Variants in CACNB3 observed in about 807,000 individuals in gnomAD.
CACNB3 encodes the protein calcium voltage-gated channel auxiliary subunit beta 3.
Under a neutral mutation model 63.7 loss-of-function variants are expected in CACNB3, and 36 were observed. The observed-to-expected ratio is 0.57, with a 90% CI of 0.43 to 0.75. The LOEUF (loss-of-function observed/expected upper bound fraction) is 0.75, where lower values mean the gene tolerates loss of function less well. CACNB3 is among the 30% of genes least tolerant of loss of function. CACNB3 has a pLI of 0.00. For synonymous variants in CACNB3, 241 were observed against 250.6 expected (o/e 0.96, Z 0.36); for missense variants, 493 against 648.6 (o/e 0.76, Z 2.61).
rs1592190584 is a variant in CACNB3, at chr12:48,825,110, A to G, written c.493-53A>G. The G allele has an allele frequency of 1.9e-6, 3 of 1,601,482 alleles. No homozygotes were observed. The highest frequency in any genetic ancestry group is 2.2e-5 in the East Asian group (1 of 44,728). ...GGATCTGCCCTGACGCCAACCAGGC[A>G]TGAGACAGGCACCAGGGCCATGGTT... On this transcript the variant is annotated intron_variant, in intron 6 of 12. Transcript: ENST00000301050. This position sits in a 1 kb window ranked among gnomAD's most constrained non-coding sequence, Gnocchi z 4.5.
upstream of CACNB3, chr12:48,815,746 GTGGGGTC>G: frequency 5.5e-6 from 7 of 1,283,074 alleles, no homozygotes; most frequent in Non-Finnish European, 6.5e-6. Flanking sequence ...TGGGGGGGGT[GTGGGGTC>G]GTGGGAAGGG....
At position 48,826,654 on chromosome 12, in the gene CACNB3, C is replaced by T; in HGVS notation, c.895-105C>T. The T allele has an allele frequency of 7.1e-7, 1 of 1,413,160 alleles. No homozygotes were observed. Among genetic ancestry groups the T allele is most frequent in the Non-Finnish European group, 1.0e-6 (1 of 1,002,280 alleles). 87.5% of individuals were successfully genotyped at this position (1,413,160 alleles called of 1,614,324 possible). A position where few individuals can be genotyped will look rare whatever the true frequency, so the allele number is the denominator to read the frequency against. ...TTAACACAACTCTGAGTCATCCTCA[C>T]CTGCTACTGATGCCACAAGTGGAAG... On this transcript the variant is annotated intron_variant, in intron 10 of 12. Transcript: ENST00000301050. The surrounding 1 kb of genome is among the most constrained non-coding windows in gnomAD (Gnocchi z 4.8).
At chr12:48,822,366 C>T (rs1456322010) in intron 1 of CACNB3, among the ~76,000 whole-genome samples, 2 of 152,184 alleles carry the variant, frequency 1.3e-5, no homozygotes, top group Admixed American at 6.5e-5. Flanking sequence ...GGTCTTGAGG[C>T]TGAACTCTGT....
At chr12:48,815,623 C>G, upstream of CACNB3, 2 of 1,403,604 alleles carry the variant, frequency 1.4e-6, no homozygotes, top group East Asian at 6.6e-5. Context: ...GAGCAGCGGC[C>G]GGGTTTTGCT....
At chr12:48,818,485 C>A, upstream of CACNB3, 1 of 998,574 alleles carries the variant, frequency 1.0e-6, no homozygotes. The surrounding 1 kb of genome is among the most constrained non-coding windows in gnomAD (Gnocchi z 4.3). Flanking sequence ...GCCCTGCCCG[C>A]AGCCTCTCCT....
chr12:48,814,930 A>C, upstream of CACNB3: 1 of 204,730 alleles, frequency 4.9e-6, no homozygotes, highest in Non-Finnish European at 9.8e-6. This position sits in a 1 kb window ranked among gnomAD's most constrained non-coding sequence, Gnocchi z 6.9. Flanking sequence ...CGGAGCTGAG[A>C]CCCGCTGCAC....
intron 1 of CACNB3, chr12:48,819,496 A>G: frequency 3.2e-6 from 1 of 310,946 alleles, no homozygotes; most frequent in South Asian, 2.5e-5. Flanking sequence ...GAGGAGCTCC[A>G]TTATTCCCTT....
rs143634935 is a variant in CACNB3, at chr12:48,824,284, G to C, written c.318G>C (p.Gly106=). The C allele has an allele frequency of 5.0e-6, 8 of 1,613,262 alleles. No individual in the cohort carries two copies. The highest frequency in any genetic ancestry group is 6.8e-6 in the Non-Finnish European group (8 of 1,179,772). ...AGTACAGCAATGACTGGTGGATCGG[G>C]CGGCTAGTGAAAGAGGGCGGGGACA... The part of the protein sequence containing the change: ...KEKYSNDWWI[G]RLVKEGGDIA... Residue 106 remains glycine (G), a synonymous_variant, in exon 4 of 13, where the codon GGG becomes GGC. Coordinates refer to ENST00000301050, the MANE Select transcript of CACNB3 (RefSeq NM_000725.4).
rs938556324 is a variant in CACNB3 at position 48,826,584 on chromosome 12, CT to C, written c.894+68del. 1 of 1,591,152 alleles carries C rather than the reference CT, an allele frequency of 6.3e-7. No individual in the cohort carries two copies. Among genetic ancestry groups the C allele is most frequent in the African/African-American group, 1.3e-5 (1 of 74,394 alleles). On this transcript the variant is annotated intron_variant, in intron 10 of 12. Transcript: ENST00000301050. The surrounding 1 kb of genome is among the most constrained non-coding windows in gnomAD (Gnocchi z 4.8). Reference sequence around the variant, plus strand: ...CCTACTAGAATGTGGCATGATTCTACTTGGTCCCTGCCTGGGGCACCTGAGT... The same window carrying C: ...CCTACTAGAATGTGGCATGATTCTACTGGTCCCTGCCTGGGGCACCTGAGT...
chr12:48,818,056 G>GC (rs1436535271), upstream of CACNB3: 2 of 152,422 alleles, frequency 1.3e-5, no homozygotes, highest in African/African-American at 2.4e-5. The surrounding 1 kb of genome is among the most constrained non-coding windows in gnomAD (Gnocchi z 4.3). Context: ...TACTGAGGGG[G>GC]CCGGGCACCT....
upstream of CACNB3, chr12:48,815,569 C>T (rs112778459): frequency 7.3e-4 from 1,086 of 1,487,444 alleles, 6 homozygotes; most frequent in African/African-American, 0.014. Flanking sequence ...CGGAGCCCGG[C>T]GGGCGTGGGG....
Position 48,825,010 on chromosome 12 carries a change from A to G in CACNB3, c.492+42A>G. ...ACCTGGGCTGGGGGGATCATGGCTT[A>G]TGGCTCTGGGGACAGTGTTCTAGGC... On this transcript the variant is annotated intron_variant, in intron 6 of 12. Transcript: ENST00000301050. The surrounding 1 kb of genome is among the most constrained non-coding windows in gnomAD (Gnocchi z 4.5). 6.3e-7 allele frequency: 1 copy of G among 1,586,192 alleles called. No individual in the cohort carries two copies. Among genetic ancestry groups the G allele is most frequent in the South Asian group, 1.1e-5 (1 of 90,590 alleles).
In CACNB3 at chr12:48,826,434, C is replaced by T. The variant is rs200554890; in HGVS notation, c.810C>T (p.Asp270=). 16 of 1,613,984 alleles carry T rather than the reference C, an allele frequency of 9.9e-6. No individual in the cohort carries two copies. The highest frequency in any genetic ancestry group is 2.2e-5 in the East Asian group (1 of 44,898). The change falls in exon 10 of 13, where the codon GAC becomes GAT. Residue 270 remains aspartate, a synonymous_variant. Transcript: ENST00000301050. The surrounding 1 kb of genome is among the most constrained non-coding windows in gnomAD (Gnocchi z 4.8). ...AATCCCTGCAGCTAGTAGTGTTGGACGCTGACACCATCAACCACCCAGCAC... is the reference window on the plus strand; with the variant it reads ...AATCCCTGCAGCTAGTAGTGTTGGATGCTGACACCATCAACCACCCAGCAC... ...LAKSLQLVVL[D]ADTINHPAQL...
chr12:48,824,677 G>T lies in CACNB3; in HGVS notation c.416G>T (p.Gly139Val), dbSNP rs1938032984. The T allele has an allele frequency of 1.9e-6, 3 of 1,613,344 alleles. No homozygotes were observed. The highest frequency in any genetic ancestry group is 2.7e-5 in the African/African-American group (2 of 74,738). The change falls in exon 5 of 13, where the codon GGG becomes GTG. Residue 139 changes from glycine (G) to valine (V), a missense_variant. Gly to Val is a moderately radical substitution (Grantham distance 109). Transcript: ENST00000301050. The part of the protein sequence containing the change: ...LKQEQKARRS[G>V]NPSSLSDIGN... ...CCTCCCTTTCTTCTCAGGAGATCTGGGAACCCTTCCAGCCTGAGTGACATT... is the reference window on the plus strand; with the variant it reads ...CCTCCCTTTCTTCTCAGGAGATCTGTGAACCCTTCCAGCCTGAGTGACATT...
chr12:48,818,973 C>T lies in CACNB3; in HGVS notation c.44C>T (p.Ala15Val), dbSNP rs1333568355. The change falls in exon 1 of 13, where the codon GCG (alanine) becomes GTG (valine). Residue 15 changes from alanine (A) to valine (V), a missense_variant and splice_region_variant. Physicochemically the swap from Ala to Val is moderately conservative, Grantham distance 64 (BLOSUM62 0). Coordinates refer to ENST00000301050, the MANE Select transcript of CACNB3 (RefSeq NM_000725.4). This position sits in a 1 kb window ranked among gnomAD's most constrained non-coding sequence, Gnocchi z 4.3. Reference sequence around the variant, plus strand: ...GTGCCCGGGTTTGAGGACTCGGAGGCGGTGAGTGCCCACGATGAGGGTGGG... The same window carrying T: ...GTGCCCGGGTTTGAGGACTCGGAGGTGGTGAGTGCCCACGATGAGGGTGGG... ...SYVPGFEDSE[A>V]GSADSYTSRP... 2.5e-6 allele frequency: 4 copies of T among 1,604,866 alleles called. No homozygotes were observed. The highest frequency in any genetic ancestry group is 2.6e-6 in the Non-Finnish European group (3 of 1,175,994).
intron 1 of CACNB3, among the ~76,000 whole-genome samples, chr12:48,822,599 C>G (rs1179325328): frequency 6.6e-6 from 1 of 152,152 alleles, no homozygotes; most frequent in African/African-American, 2.4e-5. Context: ...TCACCTGCAC[C>G]CAGGGAGACA....
Position 48,823,437 on chromosome 12 carries a change from C to G in CACNB3, c.139C>G (p.Gln47Glu). ...RESARREVES[Q>E]AQQQLERAKH... ...GAGTGCCCGGCGTGAAGTAGAGAGC[C>G]AGGCTCAGCAGCAGCTCGAAAGGGC... is the stretch of plus-strand genomic sequence containing the variant. The change falls in exon 2 of 13, where the codon CAG becomes GAG. Residue 47 changes from glutamine to glutamate, a missense_variant. By Grantham distance (29) the Gln-to-Glu change is conservative. Transcript: ENST00000301050. This position sits in a 1 kb window ranked among gnomAD's most constrained non-coding sequence, Gnocchi z 4.2. 1 of 1,614,126 alleles carries G rather than the reference C, an allele frequency of 6.2e-7. No individual in the cohort carries two copies. The highest frequency in any genetic ancestry group is 8.5e-7 in the Non-Finnish European group (1 of 1,180,004).
chr12:48,825,306 G>C lies in CACNB3; in HGVS notation c.573+63G>C. On this transcript the variant is annotated intron_variant, in intron 7 of 12. Transcript: ENST00000301050. The surrounding 1 kb of genome is among the most constrained non-coding windows in gnomAD (Gnocchi z 4.5). ...CCAAGCCTGCCACAGGAAGTCCCTA[G>C]GGAAAGTGGAAGGGGTGTGTCTCCT... 1 of 1,584,354 alleles carries C rather than the reference G, an allele frequency of 6.3e-7. No individual in the cohort carries two copies. Among genetic ancestry groups the C allele is most frequent in the Non-Finnish European group, 8.7e-7 (1 of 1,154,196 alleles).
chr12:48,825,532 G>T lies in CACNB3; in HGVS notation c.632+40G>T, dbSNP rs757250904. 3 of 1,609,034 alleles carry T rather than the reference G, an allele frequency of 1.9e-6. No individual in the cohort carries two copies. The highest frequency in any genetic ancestry group is 3.3e-5 in the Admixed American group (2 of 60,010). On this transcript the variant is annotated intron_variant, in intron 8 of 12. Coordinates refer to ENST00000301050, the MANE Select transcript of CACNB3 (RefSeq NM_000725.4). This position sits in a 1 kb window ranked among gnomAD's most constrained non-coding sequence, Gnocchi z 4.5. ...CCTGAGGTGGCCTGAGAACCAAGGAGAAGCTCATGGCCTACTTCCAGATGC... is the reference window on the plus strand; with the variant it reads ...CCTGAGGTGGCCTGAGAACCAAGGATAAGCTCATGGCCTACTTCCAGATGC...
Sources: allele counts gnomAD v4.1 joint callset (sites outside exome capture counted in the v4.1 genomes callset), GRCh38; gene constraint gnomAD v4.1.1; non-coding constraint Gnocchi (gnomAD v3.1); transcripts MANE v1.5; gene names NCBI Gene and HGNC (gene_info 2026-07-23, HGNC 2026-07-21).